Variants in FBXO7 observed in about 807,000 individuals in gnomAD.
FBXO7 encodes F-box only protein 7.
Under a neutral mutation model 50.2 loss-of-function variants are expected in FBXO7, and 31 were observed. The observed-to-expected ratio is 0.62, with a 90% CI of 0.46 to 0.83. FBXO7 has a LOEUF of 0.83. Ranked by LOEUF, FBXO7 falls within the 40% of genes least tolerant of loss-of-function variation. The probability of loss-of-function intolerance (pLI) is 0.00; values close to 1 mark genes in which losing one functional copy is unlikely to be tolerated. For missense variants in FBXO7, 667 were observed against 646.6 expected (o/e 1.03, Z -0.34); for synonymous variants, 256 against 253.1 (o/e 1.01, Z -0.11).
intron 1 of FBXO7, chr22:32,475,886 C>CTGCA (rs1229784750): frequency 6.5e-6 from 1 of 153,208 alleles, no homozygotes; most frequent in African/African-American, 2.4e-5. Context: ...GTTTGTGGGA[C>CTGCA]TGCAGGTGAA....
intron 3 of FBXO7, among the ~76,000 whole-genome samples, chr22:32,484,634 A>G (rs2057486999): frequency 1.3e-5 from 2 of 152,368 alleles, no homozygotes; most frequent in African/African-American, 4.8e-5. Context: ...ACAGGTAAAC[A>G]TAGATAATAA....
intron 6 of FBXO7, 24 bp from the exon 7 acceptor site, chr22:32,493,080 GT>G (rs1181340760): frequency 2.5e-6 from 4 of 1,612,150 alleles, no homozygotes; most frequent in Non-Finnish European, 2.5e-6. Flanking sequence ...AGTAATACCT[GT>G]TACTTCTCTT....
intron 7 of FBXO7, among the ~76,000 whole-genome samples, chr22:32,495,091 C>T (rs570933743): frequency 6.1e-4 from 93 of 152,306 alleles, no homozygotes; most frequent in African/African-American, 2.1e-3. Context: ...GGCTGTAACA[C>T]AGAAGCTCAG....
intron 4 of FBXO7, among the ~76,000 whole-genome samples, chr22:32,486,965 C>T (rs780384404): frequency 3.9e-5 from 6 of 152,132 alleles, no homozygotes; most frequent in African/African-American, 4.8e-5. Context: ...CACTTAATGA[C>T]GTGTATAATA....
At chr22:32,491,613 A>G (rs930256394) in intron 6 of FBXO7, 4 of 21,684 alleles carry the variant, frequency 1.8e-4, no homozygotes, top group African/African-American at 7.0e-4. Flanking sequence ...ATATATGTCT[A>G]TATAGACATA....
chr22:32,475,302 C>G, intron 1 of FBXO7, 178 bp downstream of exon 1: 1 of 1,602,650 alleles, frequency 6.2e-7, no homozygotes, highest in Non-Finnish European at 8.5e-7. Flanking sequence ...CGTCGCGGAG[C>G]CGGAGGGTGC....
At chr22:32,480,513 A>AC (rs1442655681) in intron 2 of FBXO7, among the ~76,000 whole-genome samples, 2 of 151,370 alleles carry the variant, frequency 1.3e-5, no homozygotes, top group African/African-American at 4.9e-5. Context: ...CTTGCTGTTC[A>AC]CCCAGACTGG....
intron 5 of FBXO7, 62 bp downstream of exon 5, chr22:32,487,890 T>C (rs1371125586): frequency 9.7e-7 from 1 of 1,029,764 alleles, no homozygotes; most frequent in South Asian, 1.4e-5. Context: ...AAGAAAAAAA[T>C]CTGAAAGATA....
chr22:32,485,932 CTGTTT>C (rs978989935), intron 4 of FBXO7, among the ~76,000 whole-genome samples: 2 of 152,078 alleles, frequency 1.3e-5, no homozygotes, highest in African/African-American at 4.8e-5. Context: ...CATTTTTGTT[CTGTTT>C]TGTTTTTTGA....
At chr22:32,496,150 T>C (rs561451819) in intron 8 of FBXO7, among the ~76,000 whole-genome samples, 1 of 152,336 alleles carries the variant, frequency 6.6e-6, no homozygotes, top group African/African-American at 2.4e-5. Context: ...AGCCAGTGCT[T>C]GTTGACCATT....
rs544846133 is a variant in FBXO7 at position 32,479,178 on chromosome 22, C to T, written c.320C>T (p.Ala107Val). 2 of 1,614,062 alleles carry T rather than the reference C, an allele frequency of 1.2e-6. No homozygotes were observed. The highest frequency in any genetic ancestry group is 1.1e-5 in the South Asian group (1 of 91,074). Residue 107 changes from alanine to valine, a missense_variant, in exon 2 of 9, where the codon GCC (alanine) becomes GTC (valine). By Grantham distance (64) the Ala-to-Val change is moderately conservative. Coordinates refer to ENST00000266087, the MANE Select transcript of FBXO7 (RefSeq NM_012179.4). Reference sequence around the variant, plus strand: ...CAGAATAATGAGCAACCCTCTTTGGCCACCAGCTCCAATCAGACTAGCATG... The same window carrying T: ...CAGAATAATGAGCAACCCTCTTTGGTCACCAGCTCCAATCAGACTAGCATG... The part of the protein sequence containing the change: ...SLQNNEQPSL[A>V]TSSNQTSMQD...
chr22:32,486,561 C>T (rs1360491901), intron 4 of FBXO7, among the ~76,000 whole-genome samples: 3 of 152,088 alleles, frequency 2.0e-5, no homozygotes, highest in Admixed American at 1.3e-4. Context: ...GTCTCAAACT[C>T]CTGGGTTTGA....
At chr22:32,487,304 G>T in intron 4 of FBXO7, 1 of 169,840 alleles carries the variant, frequency 5.9e-6, no homozygotes, top group East Asian at 1.6e-4. Context: ...TATCCTTTGG[G>T]TCTGGAAGAG....
rs1701454951 is a variant in FBXO7, at chr22:32,498,578, A to T, written c.*48A>T. 1 of 1,579,716 alleles carries T rather than the reference A, an allele frequency of 6.3e-7. No individual in the cohort carries two copies. The highest frequency in any genetic ancestry group is 1.3e-5 in the African/African-American group (1 of 74,362). ...GAGCTCCATTTGTTTTTGTTTCTAA[A>T]CTACAGATGTCAACTCCTTGGGGTG... On this transcript the variant is annotated 3_prime_UTR_variant, in exon 9 of 9. Coordinates refer to ENST00000266087, the MANE Select transcript of FBXO7 (RefSeq NM_012179.4).
In FBXO7 at chr22:32,498,171, A is replaced by C. The variant is rs1261209300; in HGVS notation, c.1210A>C (p.Lys404Gln). 5.6e-6 allele frequency: 9 copies of C among 1,614,082 alleles called. No homozygotes were observed. The highest frequency in any genetic ancestry group is 5.0e-5 in the Admixed American group (3 of 60,006). The change falls in exon 9 of 9, where the codon AAA becomes CAA. Residue 404 changes from lysine (K) to glutamine (Q), a missense_variant. By Grantham distance (53) the Lys-to-Gln change is moderately conservative (BLOSUM62 1). Transcript: ENST00000266087. ...ELYRKRHIQR[K>Q]ESPKGRFVML... is the part of the protein sequence containing the mutation. ...GTACAGGAAGAGGCACATACAAAGA[A>C]AAGAATCCCCGAAAGGGCGGTTTGT...
intron 8 of FBXO7, among the ~76,000 whole-genome samples, 198 bp from the exon 9 acceptor site, chr22:32,497,946 A>G (rs2057586060): frequency 6.6e-6 from 1 of 152,250 alleles, no homozygotes; most frequent in Non-Finnish European, 1.5e-5. Flanking sequence ...ACTATAGTGT[A>G]AACATAGCAT....
chr22:32,496,339 G>A (rs769735690), intron 8 of FBXO7, among the ~76,000 whole-genome samples: 14 of 152,176 alleles, frequency 9.2e-5, no homozygotes, highest in East Asian at 1.9e-4. Flanking sequence ...AAAATTAGCC[G>A]GATGTGGTGG....
intron 8 of FBXO7, among the ~76,000 whole-genome samples, chr22:32,496,145 G>A (rs865903111): frequency 6.6e-6 from 1 of 152,224 alleles, no homozygotes; most frequent in South Asian, 2.1e-4. Flanking sequence ...TTTGAAGCCA[G>A]TGCTTGTTGA....
chr22:32,485,284 T>TA (rs2057491799), intron 4 of FBXO7, 75 bp downstream of exon 4: 82 of 1,566,934 alleles, frequency 5.2e-5, no homozygotes, highest in Non-Finnish European at 7.0e-5. Context: ...TTATAGCCAC[T>TA]TCAGTGATTG....
Sources: gnomAD v4.1 joint callset for allele counts (sites outside exome capture counted in the v4.1 genomes callset) on GRCh38, gnomAD v4.1.1 for gene constraint, MANE v1.5 for transcripts, NCBI Gene and HGNC (gene_info 2026-07-23, HGNC 2026-07-21) for gene names.